The following MTARC1 variants were observed in gnomAD, a reference collection of about 807,000 sequenced individuals.
The protein encoded by MTARC1 is mitochondrial amidoxime-reducing component 1.
Under a neutral mutation model 33.6 loss-of-function variants are expected in MTARC1, and 24 were observed. The ratio of observed to expected loss-of-function variants is 0.72; its 90% CI spans 0.52 to 1.01. The LOEUF (loss-of-function observed/expected upper bound fraction) is 1.01. MTARC1 is among the 50% of genes least tolerant of loss of function. MTARC1 has a pLI of 0.00. For missense variants in MTARC1, 417 were observed against 445.7 expected (o/e 0.94, Z 0.58); for synonymous variants, 187 against 189.5 (o/e 0.99, Z 0.11).
chr1:220,801,447 G>C (rs1457184547), intron 4 of MTARC1, among the ~76,000 whole-genome samples: 2 of 152,156 alleles, frequency 1.3e-5, no homozygotes, highest in Non-Finnish European at 2.9e-5. Flanking sequence ...AGGGGCTGCT[G>C]TATCTCCAGC....
At chr1:220,798,582 C>T in intron 4 of MTARC1, 1 of 985,164 alleles carries the variant, frequency 1.0e-6, no homozygotes, top group Non-Finnish European at 1.2e-6. Context: ...AGGATTCTGG[C>T]AGCAAATTTA....
chr1:220,797,778 G>T, intron 3 of MTARC1, 96 bp from the exon 4 acceptor site: 1 of 1,100,012 alleles, frequency 9.1e-7, no homozygotes, highest in Non-Finnish European at 1.3e-6. Flanking sequence ...GTGTGGGGTG[G>T]GGTGGAGCAT....
rs1460923048 is a variant in MTARC1 at position 220,798,230 on chromosome 1, G to A, written c.753+216G>A. The A allele has an allele frequency of 6.8e-6, 10 of 1,480,324 alleles. No individual in the cohort carries two copies. In the South Asian group the frequency reaches 7.2e-5, roughly 11 times the overall value. The allele number at this position is 1,480,324 out of a possible 1,614,324, so 91.7% of individuals were successfully genotyped here. A position where few individuals can be genotyped will look rare whatever the true frequency, so the allele number is the denominator to read the frequency against. On this transcript the variant is annotated intron_variant, in intron 4 of 6. Transcript: ENST00000366910. ...ATGGGTCAGAGACTGTCATCAAGGA[G>A]GCAGTTCAGTATCTAAGGCTTCTAA...
At chr1:220,795,000 TA>T (rs1672561411) in intron 2 of MTARC1, among the ~76,000 whole-genome samples, 1 of 152,132 alleles carries the variant, frequency 6.6e-6, no homozygotes, top group Non-Finnish European at 1.5e-5. Flanking sequence ...ATTTTAGATA[TA>T]AAGCAATAAA....
chr1:220,787,082 GCGGCGC>G lies in MTARC1; in HGVS notation c.144_149del (p.Arg49_Arg50del). The stretch of plus-strand genomic sequence containing the variant: ...TCGCCTGGCGCCGCGCATGGCCCAC[GCGGCGC>G]CGGCGGCTGCTGCAGCAGGTGGGCA... On this transcript the variant is annotated inframe_deletion, in exon 1 of 7. Coordinates refer to ENST00000366910, the MANE Select transcript of MTARC1 (RefSeq NM_022746.4). 6.7e-7 allele frequency: 1 copy of G among 1,500,022 alleles called. No individual in the cohort carries two copies. The allele number at this position is 1,500,022 out of a possible 1,614,324, so 92.9% of individuals were successfully genotyped here.
chr1:220,809,666 C>T (rs192146280), intron 6 of MTARC1, among the ~76,000 whole-genome samples: 9 of 152,312 alleles, frequency 5.9e-5, no homozygotes, highest in South Asian at 2.1e-4. Context: ...TGCGCCTCTA[C>T]GCCTGGCTAA....
chr1:220,801,378 C>T (rs553531247), intron 4 of MTARC1, among the ~76,000 whole-genome samples: 91 of 152,292 alleles, frequency 6.0e-4, no homozygotes, highest in African/African-American at 2.1e-3. Flanking sequence ...ACCTAACAAG[C>T]CGTGTGTACT....
chr1:220,791,343 G>T, intron 1 of MTARC1, 148 bp from the exon 2 acceptor site: 3 of 798,972 alleles, frequency 3.8e-6, no homozygotes, highest in East Asian at 2.7e-5. Flanking sequence ...CTGATGTTTA[G>T]GACAGACAGA....
At chr1:220,798,418 G>T in intron 4 of MTARC1, 1 of 1,173,546 alleles carries the variant, frequency 8.5e-7, no homozygotes, top group Non-Finnish European at 1.1e-6. Flanking sequence ...GGCATTTACT[G>T]CAAGGCTGCT....
rs750442291 is a variant in MTARC1, at chr1:220,796,806, G to C, written c.612+1G>C. 1 of 1,602,960 alleles carries C rather than the reference G, an allele frequency of 6.2e-7. No individual in the cohort carries two copies. The highest frequency in any genetic ancestry group is 1.1e-5 in the South Asian group (1 of 89,256). Reference sequence around the variant, plus strand: ...AGACTTGTTCCGACCCAAGGACCAGGTGAGAGGTTCTGCTGCCTCCATGGG... The same window carrying C: ...AGACTTGTTCCGACCCAAGGACCAGCTGAGAGGTTCTGCTGCCTCCATGGG... On this transcript the variant is annotated splice_donor_variant, in intron 3 of 6. Coordinates refer to ENST00000366910, the MANE Select transcript of MTARC1 (RefSeq NM_022746.4). LOFTEE classifies it high-confidence loss of function.
intron 6 of MTARC1, among the ~76,000 whole-genome samples, chr1:220,808,137 G>T (rs1478818045): frequency 1.3e-5 from 2 of 152,172 alleles, no homozygotes; most frequent in African/African-American, 4.8e-5. Flanking sequence ...TCTGGATTTA[G>T]AAGGTTTATG....
chr1:220,796,506 T>G, intron 2 of MTARC1, 137 bp from the exon 3 acceptor site: 1 of 1,106,644 alleles, frequency 9.0e-7, no homozygotes, highest in Non-Finnish European at 1.2e-6. Context: ...GGACCAGGAC[T>G]AAAATTACAT....
chr1:220,814,690 A>G lies in MTARC1; in HGVS notation c.*1272A>G, dbSNP rs2055117. ...CGGGAGATTGAGGCTGCAGTGAGTT[A>G]TGATTGCACCACTACACTCCAGCCT... On this transcript the variant is annotated 3_prime_UTR_variant, in exon 7 of 7. Coordinates refer to ENST00000366910, the MANE Select transcript of MTARC1 (RefSeq NM_022746.4). 0.19 allele frequency: 28,929 copies of G among 152,114 alleles called. 2,989 individuals are homozygous for G. The highest frequency in any genetic ancestry group is 0.26 in the African/African-American group (10,897 of 41,426). The allele number at this position is 152,114 out of a possible 1,614,324, so 9.4% of individuals were successfully genotyped here. A position where few individuals can be genotyped will look rare whatever the true frequency, so the allele number is the denominator to read the frequency against.
Position 220,813,296 on chromosome 1 carries a change from C to T in MTARC1, c.892C>T (p.Arg298Cys), listed in dbSNP as rs368014322. The T allele has an allele frequency of 5.6e-6, 9 of 1,613,926 alleles. No individual in the cohort carries two copies. The Admixed American group carries it at 6.7e-5, about 12-fold the overall frequency. ...CATGATCTTTTCCTATTGCAGTTAT[C>T]GCCAGTGTGACCCTTCAGAACGAAA... ...KEPLETLKSY[R>C]QCDPSERKLY... Residue 298 changes from arginine to cysteine, a missense_variant, in exon 7 of 7, where the codon CGC (arginine) becomes TGC (cysteine). Arg to Cys is a radical substitution (Grantham distance 180, BLOSUM62 -3). Transcript: ENST00000366910.
chr1:220,803,237 T>C (rs535403674), intron 4 of MTARC1, among the ~76,000 whole-genome samples: 64 of 152,162 alleles, frequency 4.2e-4, no homozygotes, highest in African/African-American at 1.4e-3. Context: ...AACTGCCCTT[T>C]ATAAAACCAT....
chr1:220,803,695 T>G (rs770357898), intron 4 of MTARC1, among the ~76,000 whole-genome samples: 1 of 90,862 alleles, frequency 1.1e-5, no homozygotes, highest in Non-Finnish European at 2.1e-5. Context: ...TCTCCAGTAG[T>G]TTTTTTTTTG....
chr1:220,791,470 C>G, intron 1 of MTARC1, 21 bp from the exon 2 acceptor site: 1 of 1,612,120 alleles, frequency 6.2e-7, no homozygotes, highest in African/African-American at 1.3e-5. Flanking sequence ...TCACACATAT[C>G]CTGTGTTTTG....
intron 6 of MTARC1, among the ~76,000 whole-genome samples, chr1:220,808,704 C>T (rs1314902256): frequency 2.0e-5 from 3 of 152,238 alleles, no homozygotes; most frequent in Admixed American, 6.5e-5. Context: ...TAGTCACCCA[C>T]AGGCAGAGCC....
Position 220,812,747 on chromosome 1 carries a change from C to T in MTARC1, c.888-545C>T, listed in dbSNP as rs553628674. Among the ~76,000 whole-genome samples, 37 of 147,898 alleles carry T rather than the reference C, an allele frequency of 2.5e-4. 1 individual carries two copies. The highest frequency in any genetic ancestry group is 4.8e-4 in the Non-Finnish European group (32 of 66,700). On this transcript the variant is annotated intron_variant, in intron 6 of 6. Transcript: ENST00000366910. The stretch of plus-strand genomic sequence containing the variant: ...TATCTAATTTTTTTTTTTTTTGAGA[C>T]GGAGTCTTGCTCCATTGCCCAGGCT...
Sources: allele counts gnomAD v4.1 joint callset (sites outside exome capture counted in the v4.1 genomes callset), GRCh38; gene constraint gnomAD v4.1.1; transcripts MANE v1.5; gene names NCBI Gene and HGNC (gene_info 2026-07-23, HGNC 2026-07-21).